Variants in PCDHGA1 observed in about 807,000 individuals in gnomAD.
PCDHGA1 encodes the protein protocadherin gamma subfamily A, 1.
Under a neutral mutation model 58.0 loss-of-function variants are expected in PCDHGA1, and 32 were observed. The ratio of observed to expected loss-of-function variants is 0.55; its 90% CI spans 0.42 to 0.74. The LOEUF is 0.74. Ranked by LOEUF, PCDHGA1 falls within the 30% of genes least tolerant of loss-of-function variation. The pLI, the probability that PCDHGA1 is intolerant of heterozygous loss-of-function variation, is 0.00. For synonymous variants in PCDHGA1, 498 were observed against 501.1 expected (o/e 0.99, Z 0.08); for missense variants, 1,205 against 1,182.3 (o/e 1.02, Z -0.28).
rs1249431617 is a variant in PCDHGA1 at position 141,331,741 on chromosome 5, A to C, written c.1057A>C (p.Thr353Pro). 6.2e-7 allele frequency: 1 copy of C among 1,614,152 alleles called. No individual in the cohort carries two copies. Among genetic ancestry groups the C allele is most frequent in the Non-Finnish European group, 8.5e-7 (1 of 1,180,038 alleles). The change falls in exon 1 of 4, where the codon ACC (threonine) becomes CCC (proline). Residue 353 changes from threonine to proline, a missense_variant. Transcript: ENST00000517417. ...CCCAGAAGTGACCATCACCTCTGTC[A>C]CCACTGCAGTTCCAGAAAACTTTCC... Reference protein sequence around the residue: ...NAPEVTITSVTTAVPENFPPG... With the variant: ...NAPEVTITSVPTAVPENFPPG...
chr5:141,364,068 C>T (rs1405963968), intron 1 of PCDHGA1, among the ~76,000 whole-genome samples: 1 of 152,134 alleles, frequency 6.6e-6, no homozygotes, highest in Non-Finnish European at 1.5e-5. Flanking sequence ...TATAACTAAA[C>T]TTAGGAGAAA....
chr5:141,338,941 T>G, intron 1 of PCDHGA1: 1 of 1,522,944 alleles, frequency 6.6e-7, no homozygotes, highest in Non-Finnish European at 8.8e-7. Flanking sequence ...ATGCTGGAAG[T>G]TGACTCGGAG....
intron 1 of PCDHGA1, chr5:141,357,784 A>C: frequency 2.4e-6 from 2 of 849,184 alleles, no homozygotes; most frequent in Non-Finnish European, 3.6e-6. Context: ...GATCAACAGT[A>C]TTTACCACAC....
intron 1 of PCDHGA1, chr5:141,350,526 G>A: frequency 6.2e-7 from 1 of 1,614,020 alleles, no homozygotes; most frequent in Non-Finnish European, 8.5e-7. Context: ...AGGATAGATC[G>A]AGAGAAGATT....
Position 141,512,594 on chromosome 5 carries a change from G to C in PCDHGA1, c.*1421G>C, listed in dbSNP as rs981124898. On this transcript the variant is annotated 3_prime_UTR_variant, in exon 4 of 4. Transcript: ENST00000517417. ...CACCCCCTTCTGCCCCTGGGTCCCC[G>C]GCCATCCAGCGGGGCTGCCAGAGAA... 1 of 152,812 alleles carries C rather than the reference G, an allele frequency of 6.5e-6. No homozygotes were observed. The highest frequency in any genetic ancestry group is 6.5e-5 in the Admixed American group (1 of 15,280). The allele number at this position is 152,812 out of a possible 1,614,324, so 9.5% of individuals were successfully genotyped here. A position where few individuals can be genotyped will look rare whatever the true frequency, so the allele number is the denominator to read the frequency against.
intron 1 of PCDHGA1, chr5:141,371,210 C>T: frequency 6.2e-7 from 1 of 1,614,010 alleles, no homozygotes; most frequent in Non-Finnish European, 8.5e-7. Flanking sequence ...TGGATGAGGG[C>T]ATCAATGCCG....
intron 1 of PCDHGA1, among the ~76,000 whole-genome samples, chr5:141,445,948 G>A (rs538607380): frequency 6.6e-6 from 1 of 152,236 alleles, no homozygotes; most frequent in South Asian, 2.1e-4. Flanking sequence ...GCTTACTCTG[G>A]CTGCTATATG....
intron 1 of PCDHGA1, among the ~76,000 whole-genome samples, chr5:141,439,139 G>T (rs2098090438): frequency 6.6e-6 from 1 of 150,672 alleles, no homozygotes; most frequent in South Asian, 2.1e-4. Flanking sequence ...GTTGCAGTGA[G>T]CTGAGATCAC....
rs535194185 is a variant in PCDHGA1, at chr5:141,485,480, A to C, written c.2422-9327A>C. 6.2e-7 allele frequency: 1 copy of C among 1,614,154 alleles called. No individual in the cohort carries two copies. The highest frequency in any genetic ancestry group is 1.7e-5 in the Admixed American group (1 of 60,020). On this transcript the variant is annotated intron_variant, in intron 1 of 3. Coordinates refer to ENST00000517417, the MANE Select transcript of PCDHGA1 (RefSeq NM_018912.3). This position sits in a 1 kb window ranked among gnomAD's most constrained non-coding sequence, Gnocchi z 5.7. The stretch of plus-strand genomic sequence containing the variant: ...ACTGTGTGGGCTCAGTGCCAGCTGC[A>C]TCGTGCCCCTGGAGTTTGTCACCGA...
chr5:141,410,086 G>C (rs759204005), intron 1 of PCDHGA1: 1 of 1,612,588 alleles, frequency 6.2e-7, no homozygotes, highest in Non-Finnish European at 8.5e-7. Flanking sequence ...AGGTGCGCAC[G>C]GCTCGAGCCT....
intron 1 of PCDHGA1, among the ~76,000 whole-genome samples, chr5:141,420,713 G>GT (rs1303648273): frequency 3.3e-5 from 5 of 152,078 alleles, no homozygotes; most frequent in African/African-American, 1.2e-4. Context: ...CAGAAATGTC[G>GT]TTCCTTTCAG....
intron 1 of PCDHGA1, chr5:141,399,019 A>G (rs576771907): frequency 2.5e-6 from 4 of 1,613,932 alleles, no homozygotes; most frequent in East Asian, 2.2e-5. Context: ...CGGAGAAATT[A>G]CCACTCAAAA....
intron 1 of PCDHGA1, chr5:141,346,435 A>G: frequency 6.2e-7 from 1 of 1,614,272 alleles, no homozygotes; most frequent in Non-Finnish European, 8.5e-7. Flanking sequence ...CTTGAAATGA[A>G]AGGAGATTCC....
chr5:141,412,027 C>T (rs1360599996), intron 1 of PCDHGA1: 1 of 152,086 alleles, frequency 6.6e-6, no homozygotes, highest in Non-Finnish European at 1.5e-5. Context: ...ATCCTGTTCT[C>T]TGTGTGAAAG....
intron 1 of PCDHGA1, among the ~76,000 whole-genome samples, chr5:141,472,913 G>A (rs1049221725): frequency 2.0e-5 from 3 of 147,764 alleles, no homozygotes; most frequent in African/African-American, 2.5e-5. Context: ...TTGAACCCAA[G>A]AGGAGGAGGT....
intron 1 of PCDHGA1, chr5:141,392,124 A>G (rs1448052063): frequency 1.3e-5 from 2 of 152,226 alleles, no homozygotes; most frequent in Admixed American, 1.3e-4. Flanking sequence ...GAAAGCTTGT[A>G]AAATGATTAA....
At chr5:141,444,125 C>A (rs1459174213) in intron 1 of PCDHGA1, among the ~76,000 whole-genome samples, 2 of 130,784 alleles carry the variant, frequency 1.5e-5, no homozygotes, top group African/African-American at 5.7e-5. Flanking sequence ...AGTATCTCAA[C>A]AGATATGTGT....
At chr5:141,359,613 G>A (rs960150614) in intron 1 of PCDHGA1, among the ~76,000 whole-genome samples, 5 of 151,718 alleles carry the variant, frequency 3.3e-5, no homozygotes, top group Non-Finnish European at 5.9e-5. Flanking sequence ...GCAGAATATG[G>A]TATGTTGTAT....
intron 1 of PCDHGA1, chr5:141,415,641 TA>T (rs113784532): frequency 0.022 from 22,367 of 1,034,442 alleles, 38 homozygotes; most frequent in Admixed American, 0.045. Context: ...TTACTTTTGT[TA>T]AAAAAAAAAA....
Sources: allele counts gnomAD v4.1 joint callset (sites outside exome capture counted in the v4.1 genomes callset), GRCh38; gene constraint gnomAD v4.1.1; non-coding constraint Gnocchi (gnomAD v3.1); transcripts MANE v1.5; gene names NCBI Gene and HGNC (gene_info 2026-07-23, HGNC 2026-07-21).